Variants in HDAC1 observed in about 807,000 individuals in gnomAD.
HDAC1 encodes the protein protein deacetylase HDAC1.
HDAC1 carries 18 observed loss-of-function variants against 65.5 expected under a neutral mutation model. The ratio of observed to expected loss-of-function variants is 0.27; its 90% CI spans 0.19 to 0.41. The LOEUF is 0.41. Ranked by LOEUF, HDAC1 falls within the 10% of genes least tolerant of loss-of-function variation. The pLI is 1.00. For missense variants in HDAC1, 373 were observed against 625.2 expected (o/e 0.60, Z 4.30); for synonymous variants, 211 against 227.9 (o/e 0.93, Z 0.67).
At chr1:32,319,684 G>A (rs1344725457) in intron 3 of HDAC1, among the ~76,000 whole-genome samples, 1 of 151,944 alleles carries the variant, frequency 6.6e-6, no homozygotes, top group African/African-American at 2.4e-5. Context: ...ATAGCTTGAG[G>A]CCAGGAGTTC....
intron 3 of HDAC1, 52 bp downstream of exon 3, chr1:32,316,834 T>C: frequency 8.8e-7 from 1 of 1,141,730 alleles, no homozygotes; most frequent in Non-Finnish European, 1.3e-6. Flanking sequence ...GCATCTCCCT[T>C]TCCACTGTAG....
chr1:32,310,014 T>C (rs1640969580), intron 2 of HDAC1, among the ~76,000 whole-genome samples: 1 of 152,154 alleles, frequency 6.6e-6, no homozygotes, highest in Non-Finnish European at 1.5e-5. Context: ...ATCAATTCAG[T>C]CTCTCAAACA....
At chr1:32,303,691 C>A (rs1434900126) in intron 2 of HDAC1, among the ~76,000 whole-genome samples, 1 of 152,008 alleles carries the variant, frequency 6.6e-6, no homozygotes, top group Non-Finnish European at 1.5e-5. Context: ...GAAACCTTGT[C>A]TGTACAAAAA....
intron 1 of HDAC1, among the ~76,000 whole-genome samples, chr1:32,292,778 G>C (rs1021745853): frequency 2.0e-5 from 3 of 151,990 alleles, no homozygotes; most frequent in Admixed American, 2.0e-4. Flanking sequence ...TACTGTGTTC[G>C]AGGAAGTGTT....
At chr1:32,316,189 C>T (rs1641060923) in intron 2 of HDAC1, among the ~76,000 whole-genome samples, 1 of 151,792 alleles carries the variant, frequency 6.6e-6, no homozygotes, top group African/African-American at 2.4e-5. Flanking sequence ...AAGGCTGAGG[C>T]AGGAGAATGG....
At position 32,330,503 on chromosome 1, in the gene HDAC1, T is replaced by C; in HGVS notation, c.730-75T>C. 4.1e-6 allele frequency: 4 copies of C among 982,072 alleles called. No homozygotes were observed. The highest frequency in any genetic ancestry group is 6.6e-6 in the Non-Finnish European group (4 of 608,126). The allele number at this position is 982,072 out of a possible 1,614,324, so 60.8% of individuals were successfully genotyped here. ...AAAGGTAGGAGTGGGTGGGAAAGTGTTGCACCCAGCCTTTCCACTCCAAAC... is the reference window on the plus strand; with the variant it reads ...AAAGGTAGGAGTGGGTGGGAAAGTGCTGCACCCAGCCTTTCCACTCCAAAC... On this transcript the variant is annotated intron_variant, in intron 7 of 13. Coordinates refer to ENST00000373548, the MANE Select transcript of HDAC1 (RefSeq NM_004964.3). This position sits in a 1 kb window ranked among gnomAD's most constrained non-coding sequence, Gnocchi z 4.2.
chr1:32,317,322 C>T (rs1001908899), intron 3 of HDAC1, among the ~76,000 whole-genome samples: 1 of 152,046 alleles, frequency 6.6e-6, no homozygotes, highest in African/African-American at 2.4e-5. Context: ...TCTTGGAAGC[C>T]ACGCTTAGTT....
chr1:32,301,549 C>T (rs1460732483), intron 1 of HDAC1, among the ~76,000 whole-genome samples: 1 of 152,136 alleles, frequency 6.6e-6, no homozygotes, highest in Non-Finnish European at 1.5e-5. Flanking sequence ...GTGAGTGGAT[C>T]AACTGAGGTT....
chr1:32,327,264 A>G lies in HDAC1; in HGVS notation c.494+187A>G. The G allele has an allele frequency of 1.6e-6, 1 of 633,398 alleles. No homozygotes were observed. The highest frequency in any genetic ancestry group is 2.7e-5 in the East Asian group (1 of 36,596). 39.2% of individuals were successfully genotyped at this position (633,398 alleles called of 1,614,324 possible). A position where few individuals can be genotyped will look rare whatever the true frequency, so the allele number is the denominator to read the frequency against. ...GTTTGATCTGAGCCACGGCATGATC[A>G]GGGGCAGATGCTGCTCAGATCCTGC... On this transcript the variant is annotated intron_variant, in intron 5 of 13. Transcript: ENST00000373548. The surrounding 1 kb of genome is among the most constrained non-coding windows in gnomAD (Gnocchi z 6.0).
intron 1 of HDAC1, 90 bp downstream of exon 1, chr1:32,292,308 G>A (rs1017069905): frequency 2.1e-5 from 32 of 1,535,660 alleles, no homozygotes; most frequent in Non-Finnish European, 2.8e-5. Context: ...GGGAGGCTGC[G>A]GGAGGCTGAG....
chr1:32,316,652 T>G lies in HDAC1; in HGVS notation c.163-13T>G. Reference sequence around the variant, plus strand: ...TCAAAAATAACTTGCCCTTTCTCCCTTCTGCCCTCTAGCGCCCTCACAAAG... The same window carrying G: ...TCAAAAATAACTTGCCCTTTCTCCCGTCTGCCCTCTAGCGCCCTCACAAAG... On this transcript the variant is annotated splice_polypyrimidine_tract_variant and intron_variant, in intron 2 of 13. Coordinates refer to ENST00000373548, the MANE Select transcript of HDAC1 (RefSeq NM_004964.3). The G allele has an allele frequency of 6.5e-7, 1 of 1,543,814 alleles. No individual in the cohort carries two copies. Among genetic ancestry groups the G allele is most frequent in the Non-Finnish European group, 9.0e-7 (1 of 1,116,686 alleles).
rs144382239 is a variant in HDAC1, at chr1:32,309,571, C to T, written c.162+6838C>T. Among the ~76,000 whole-genome samples the T allele has an allele frequency of 1.9e-4, 29 of 151,586 alleles. No individual in the cohort carries two copies. In the East Asian group the frequency reaches 5.2e-3, roughly 27 times the overall value. On this transcript the variant is annotated intron_variant, in intron 2 of 13. Transcript: ENST00000373548. ...GCATGGTGGTGGATGCCTGTAATCC[C>T]GACTACTCAGGAGGCTGAGGCAGGA...
intron 2 of HDAC1, among the ~76,000 whole-genome samples, chr1:32,304,779 T>A (rs1249265336): frequency 6.6e-6 from 1 of 152,090 alleles, no homozygotes; most frequent in East Asian, 1.9e-4. Flanking sequence ...CCCAGGCTGG[T>A]CTTAAATTCC....
intron 3 of HDAC1, among the ~76,000 whole-genome samples, chr1:32,321,985 C>G (rs1473937971): frequency 6.6e-6 from 1 of 152,112 alleles, no homozygotes; most frequent in Non-Finnish European, 1.5e-5. Flanking sequence ...CTCATGCAGC[C>G]ATGCTTCTTC....
chr1:32,332,029 A>C, intron 11 of HDAC1, 61 bp from the exon 12 acceptor site: 1 of 1,487,170 alleles, frequency 6.7e-7, no homozygotes, highest in Non-Finnish European at 9.0e-7. Flanking sequence ...CACTGGGCAT[A>C]GATGCTGAGC....
At chr1:32,302,261 C>T (rs1640858457) in intron 1 of HDAC1, among the ~76,000 whole-genome samples, 1 of 152,080 alleles carries the variant, frequency 6.6e-6, no homozygotes, top group Admixed American at 6.6e-5. Context: ...TCTAATAATT[C>T]TGAGTAGCGA....
rs552889132 is a variant in HDAC1 at position 32,329,869 on chromosome 1, T to C, written c.729+709T>C. ...TGATGGCAGTAAGGGTGGCATTTAG[T>C]AGAAGGAATGGCACTAGCAGAAGTG... On this transcript the variant is annotated intron_variant, in intron 7 of 13. Transcript: ENST00000373548. The surrounding 1 kb of genome is among the most constrained non-coding windows in gnomAD (Gnocchi z 4.1). 1.3e-5 allele frequency: 2 copies of C among 156,288 alleles called. No individual in the cohort carries two copies. The highest frequency in any genetic ancestry group is 4.8e-5 in the African/African-American group (2 of 41,562). The allele number at this position is 156,288 out of a possible 1,614,324, so 9.7% of individuals were successfully genotyped here.
Position 32,329,686 on chromosome 1 carries a change from G to C in HDAC1, c.729+526G>C, listed in dbSNP as rs2148071726. 1 of 162,088 alleles carries C rather than the reference G, an allele frequency of 6.2e-6. No homozygotes were observed. The highest frequency in any genetic ancestry group is 1.4e-5 in the Non-Finnish European group (1 of 73,272). The allele number at this position is 162,088 out of a possible 1,614,324, so 10.0% of individuals were successfully genotyped here. A position where few individuals can be genotyped will look rare whatever the true frequency, so the allele number is the denominator to read the frequency against. On this transcript the variant is annotated intron_variant, in intron 7 of 13. Transcript: ENST00000373548. This position sits in a 1 kb window ranked among gnomAD's most constrained non-coding sequence, Gnocchi z 4.1. ...GGCTGTGTGGCATGTTCCATGGGTA[G>C]GCTGGCCTAGTGCCTGTGTTTTTGA...
rs1399745490 is a variant in HDAC1 at position 32,333,278 on chromosome 1, C to G, written c.*234C>G. On this transcript the variant is annotated 3_prime_UTR_variant, in exon 14 of 14. Transcript: ENST00000373548. ...CTTAACTTTGAACCATAAAGGGTGC[C>G]AGGTCTGGGTGAAAGGGATACTTTT... The G allele has an allele frequency of 2.5e-6, 1 of 404,456 alleles. No homozygotes were observed. The highest frequency in any genetic ancestry group is 4.4e-6 in the Non-Finnish European group (1 of 227,326). 25.1% of individuals were successfully genotyped at this position (404,456 alleles called of 1,614,324 possible).
Sources: allele counts gnomAD v4.1 joint callset (sites outside exome capture counted in the v4.1 genomes callset), GRCh38; gene constraint gnomAD v4.1.1; non-coding constraint Gnocchi (gnomAD v3.1); transcripts MANE v1.5; gene names NCBI Gene and HGNC (gene_info 2026-07-23, HGNC 2026-07-21).